The following ZNF429 variants were observed in gnomAD, a reference collection of about 807,000 sequenced individuals.
ZNF429 encodes zinc finger protein 429.
Under a neutral mutation model 56.8 loss-of-function variants are expected in ZNF429, and 53 were observed. The observed-to-expected ratio is 0.93, with a 90% confidence interval of 0.75 to 1.17. The LOEUF (loss-of-function observed/expected upper bound fraction) is 1.17, where lower values mean the gene tolerates loss of function less well. Ranked by LOEUF, ZNF429 falls within the 50% of genes most tolerant of loss-of-function variation. The pLI, the probability that ZNF429 is intolerant of heterozygous loss-of-function variation, is 0.00. For missense variants in ZNF429, 849 were observed against 788.4 expected (o/e 1.08, Z -0.92); for synonymous variants, 278 against 264.7 (o/e 1.05, Z -0.49).
chr19:21,529,980 G>T, intron 2 of ZNF429, among the ~76,000 whole-genome samples, 196 bp downstream of exon 2: 1 of 151,924 alleles, frequency 6.6e-6, no homozygotes, highest in Non-Finnish European at 1.5e-5. Context: ...GGTGGATCAC[G>T]AGGTCAGGAG....
rs548989410 is a variant in ZNF429, at chr19:21,540,550, C to A, written c.*2472C>A. Among the ~76,000 whole-genome samples the A allele has an allele frequency of 1.7e-4, 26 of 152,142 alleles. No homozygotes were observed. The highest frequency in any genetic ancestry group is 6.0e-4 in the African/African-American group (25 of 41,530). On this transcript the variant is annotated 3_prime_UTR_variant, in exon 4 of 4. Transcript: ENST00000358491. ...TAACATTTATCTTTTACAAACAACTCAATTATGCACTTTTAGTTATTTTAA... is the reference window on the plus strand; with the variant it reads ...TAACATTTATCTTTTACAAACAACTAAATTATGCACTTTTAGTTATTTTAA...
chr19:21,519,759 C>T (rs1482685741), intron 1 of ZNF429, among the ~76,000 whole-genome samples: 2 of 152,158 alleles, frequency 1.3e-5, no homozygotes, highest in South Asian at 2.1e-4. Context: ...TCCCACAACA[C>T]AGTGATCTAA....
At chr19:21,506,670 A>T (rs1482340105) in intron 1 of ZNF429, among the ~76,000 whole-genome samples, 1 of 149,184 alleles carries the variant, frequency 6.7e-6, no homozygotes, top group African/African-American at 2.5e-5. Flanking sequence ...TTTCCTGGTT[A>T]TGTAATCAGA....
chr19:21,511,087 G>A lies in ZNF429; in HGVS notation c.3+5313G>A, dbSNP rs1599434116. ...TGTCATCATGACCCGTTCTCAATGA[G>A]CTGTTGGGTACACCTCCCAGACGGG... is the stretch of plus-strand genomic sequence containing the variant. On this transcript the variant is annotated intron_variant, in intron 1 of 3. Transcript: ENST00000358491. Among the ~76,000 whole-genome samples, 2 of 152,322 alleles carry A rather than the reference G, an allele frequency of 1.3e-5. 1 individual carries two copies. The highest frequency in any genetic ancestry group is 1.3e-4 in the Admixed American group (2 of 15,304).
chr19:21,508,254 AAAAG>A (rs1357850701), intron 1 of ZNF429, among the ~76,000 whole-genome samples: 9 of 152,166 alleles, frequency 5.9e-5, no homozygotes, highest in Admixed American at 5.9e-4. Context: ...AAAAAAAAAA[AAAAG>A]GTGATATCTC....
Position 21,539,287 on chromosome 19 carries a change from AAC to A in ZNF429, c.*1211_*1212del, listed in dbSNP as rs2033838011. Reference sequence around the variant, plus strand: ...CATGAATATCAGAATTTACAGTAGAAACAACTAAGACACAAACACTTGAGACA... The same window carrying A: ...CATGAATATCAGAATTTACAGTAGAAAACTAAGACACAAACACTTGAGACA... On this transcript the variant is annotated 3_prime_UTR_variant, in exon 4 of 4. Coordinates refer to ENST00000358491, the MANE Select transcript of ZNF429 (RefSeq NM_001001415.4). Among the ~76,000 whole-genome samples, 1 of 152,208 alleles carries A rather than the reference AAC, an allele frequency of 6.6e-6. No individual in the cohort carries two copies. The highest frequency in any genetic ancestry group is 2.1e-4 in the South Asian group (1 of 4,836).
chr19:21,507,069 G>A (rs955145852), intron 1 of ZNF429, among the ~76,000 whole-genome samples: 7 of 152,080 alleles, frequency 4.6e-5, no homozygotes, highest in Non-Finnish European at 1.0e-4. Context: ...CTCCCGGCTT[G>A]AGTTAGATCT....
intron 3 of ZNF429, among the ~76,000 whole-genome samples, chr19:21,535,017 T>C: frequency 0.015 from 1,853 of 123,714 alleles, 33 homozygotes; most frequent in Middle Eastern, 0.076. Flanking sequence ...TTAGTAGAGA[T>C]GGGGTTTCAC....
intron 2 of ZNF429, 62 bp downstream of exon 2, chr19:21,529,846 T>A: frequency 8.8e-7 from 1 of 1,138,452 alleles, no homozygotes; most frequent in Non-Finnish European, 1.2e-6. Flanking sequence ...CTCCTCTTTG[T>A]AGAATGTTCT....
At chr19:21,534,184 T>C in intron 3 of ZNF429, among the ~76,000 whole-genome samples, 1 of 148,646 alleles carries the variant, frequency 6.7e-6, no homozygotes, top group Non-Finnish European at 1.5e-5. Context: ...AGGGATTATA[T>C]TAAATGTGTT....
intron 1 of ZNF429, among the ~76,000 whole-genome samples, chr19:21,511,817 G>A (rs910430606): frequency 3.3e-5 from 5 of 152,210 alleles, no homozygotes; most frequent in Non-Finnish European, 7.3e-5. Flanking sequence ...GACTCCTTCT[G>A]CAATCCCGGC....
intron 1 of ZNF429, among the ~76,000 whole-genome samples, chr19:21,511,955 G>C (rs10412780): frequency 0.2 from 29,652 of 151,746 alleles, 2,983 homozygotes; most frequent in African/African-American, 0.22. Context: ...TGCGCGCCTG[G>C]AATCGCAGGC....
intron 1 of ZNF429, among the ~76,000 whole-genome samples, chr19:21,510,969 C>T (rs1015622129): frequency 3.3e-5 from 5 of 152,108 alleles, no homozygotes; most frequent in Admixed American, 2.6e-4. Context: ...AAAAGTCTCC[C>T]ATGTCTACTT....
intron 1 of ZNF429, among the ~76,000 whole-genome samples, chr19:21,521,085 C>T: frequency 6.6e-6 from 1 of 152,144 alleles, no homozygotes; most frequent in East Asian, 1.9e-4. Flanking sequence ...ATATTTGTAT[C>T]TAACATCAAA....
chr19:21,524,952 A>G (rs1244225872), intron 1 of ZNF429, among the ~76,000 whole-genome samples: 2 of 152,198 alleles, frequency 1.3e-5, no homozygotes, highest in African/African-American at 4.8e-5. Context: ...GACTCAAAGC[A>G]GATAAACTAA....
chr19:21,536,881 G>A lies in ZNF429; in HGVS notation c.828G>A (p.Lys276=), dbSNP rs761289294. Residue 276 remains lysine, a synonymous_variant, in exon 4 of 4, where the codon AAG becomes AAA. Transcript: ENST00000358491. ...FSRYSTLTTH[K]RIHSGEKPYK... is the part of the protein sequence containing the mutation. ...GGTACTCAACCCTTACTACCCATAA[G>A]AGAATTCATTCTGGAGAGAAGCCCT... 10 of 1,612,252 alleles carry A rather than the reference G, an allele frequency of 6.2e-6. No individual in the cohort carries two copies. In the South Asian group the frequency reaches 9.9e-5, roughly 16 times the overall value.
At chr19:21,520,875 A>G (rs545776241) in intron 1 of ZNF429, among the ~76,000 whole-genome samples, 1 of 152,298 alleles carries the variant, frequency 6.6e-6, no homozygotes, top group Admixed American at 6.5e-5. Context: ...TTTGTCAACA[A>G]CCTGCACTCA....
chr19:21,530,569 CT>C lies in ZNF429; in HGVS notation c.131-17del. ...ACAGAATATAAGCAAGATTCATCTTCTTTATTTTTAATAAAACAGGTATTGC... is the reference window on the plus strand; with the variant it reads ...ACAGAATATAAGCAAGATTCATCTTCTTATTTTTAATAAAACAGGTATTGC... On this transcript the variant is annotated intron_variant, in intron 2 of 3. Transcript: ENST00000358491. 6.4e-7 allele frequency: 1 copy of C among 1,561,650 alleles called. No individual in the cohort carries two copies. The highest frequency in any genetic ancestry group is 1.2e-5 in the South Asian group (1 of 84,950).
intron 1 of ZNF429, among the ~76,000 whole-genome samples, chr19:21,528,770 G>C (rs1361203422): frequency 2.6e-5 from 4 of 152,066 alleles, no homozygotes; most frequent in African/African-American, 9.7e-5. Context: ...GAATAAAACT[G>C]ATGTTTCTTT....
Sources: allele counts gnomAD v4.1 joint callset (sites outside exome capture counted in the v4.1 genomes callset), GRCh38; gene constraint gnomAD v4.1.1; transcripts MANE v1.5; gene names NCBI Gene and HGNC (gene_info 2026-07-23, HGNC 2026-07-21).